FBLN7: variants seen among roughly 807,000 people sequenced by gnomAD.
FBLN7 encodes fibulin-7.
A neutral mutation model predicts 44.0 loss-of-function variants in FBLN7; 31 were observed. That is an observed-to-expected ratio of 0.70 (90% CI 0.53 to 0.95). The LOEUF (loss-of-function observed/expected upper bound fraction) is 0.95, where lower values mean the gene tolerates loss of function less well. Among genes scored for constraint, FBLN7 ranks in the 40% least tolerant of loss-of-function variants. FBLN7 has a pLI of 0.00. For synonymous variants in FBLN7, 262 were observed against 253.4 expected, an observed-to-expected ratio of 1.03 and a Z score of -0.32; for missense variants, 573 against 618.5, an observed-to-expected ratio of 0.93 and a Z score of 0.78.
rs1009555706 is a variant in FBLN7, at chr2:112,159,573, C to T, written c.76-103C>T. The stretch of plus-strand genomic sequence containing the variant: ...TACGTTGCGTTGAGTGAGCTTCAAA[C>T]GCGGTTTGGACCCCGTGGCTTCGGC... On this transcript the variant is annotated intron_variant, in intron 1 of 7. Coordinates refer to ENST00000331203, the MANE Select transcript of FBLN7 (RefSeq NM_153214.3). 13 of 1,346,438 alleles carry T rather than the reference C, an allele frequency of 9.7e-6. No individual in the cohort carries two copies. The African/African-American group carries it at 1.2e-4, about 13-fold the overall frequency. The allele number at this position is 1,346,438 out of a possible 1,614,324, so 83.4% of individuals were successfully genotyped here.
At chr2:112,230,837 G>T in the FBLN7 span, 1 of 1,066,990 alleles carries the variant, frequency 9.4e-7, no homozygotes, top group Non-Finnish European at 1.2e-6. Flanking sequence ...CCCTATTGAG[G>T]TTGCATGCCA....
intron 3 of FBLN7, among the ~76,000 whole-genome samples, chr2:112,175,102 C>A (rs879741407): frequency 1.3e-5 from 2 of 151,326 alleles, no homozygotes; most frequent in African/African-American, 4.9e-5. Flanking sequence ...GAGCAAGGAA[C>A]GTCTCCCTTT....
rs1015804868 is a variant in FBLN7, at chr2:112,182,957, AC to A, written c.808+32del. Reference sequence around the variant, plus strand: ...AGTGAGGCTACAGAGTGTCGTCTGCACCCAGCCACCTGCTGCTGTGCTGAAC... The same window carrying A: ...AGTGAGGCTACAGAGTGTCGTCTGCACCAGCCACCTGCTGCTGTGCTGAAC... On this transcript the variant is annotated intron_variant, in intron 6 of 7. Transcript: ENST00000331203. 10 of 1,607,190 alleles carry A rather than the reference AC, an allele frequency of 6.2e-6. No individual in the cohort carries two copies. The African/African-American group carries it at 1.3e-4, about 21-fold the overall frequency.
At chr2:112,244,238 ATAG>A in the FBLN7 span, among the ~76,000 whole-genome samples, 1 of 152,176 alleles carries the variant, frequency 6.6e-6, no homozygotes, top group East Asian at 1.9e-4. Flanking sequence ...GTAACACTGG[ATAG>A]TAGAAGACAA....
chr2:112,235,729 C>G, the FBLN7 span, among the ~76,000 whole-genome samples: 5 of 151,976 alleles, frequency 3.3e-5, no homozygotes, highest in African/African-American at 1.2e-4. Context: ...CTTCTAAAAA[C>G]CAAAATCAAA....
At chr2:112,236,914 G>C in the FBLN7 span, among the ~76,000 whole-genome samples, 12 of 152,068 alleles carry the variant, frequency 7.9e-5, no homozygotes, top group Admixed American at 2.0e-4. Flanking sequence ...AACATAGCTG[G>C]GTGTGGTGGT....
At chr2:112,139,014 T>A (rs866834212) in intron 1 of FBLN7, among the ~76,000 whole-genome samples, 1 of 21,372 alleles carries the variant, frequency 4.7e-5, no homozygotes, top group African/African-American at 2.0e-4. Flanking sequence ...TCTCTCCAGG[T>A]CAGCGTCCCT....
the FBLN7 span, among the ~76,000 whole-genome samples, chr2:112,232,269 T>C: frequency 6.7e-6 from 1 of 149,892 alleles, no homozygotes; most frequent in South Asian, 2.1e-4. Flanking sequence ...CGAACCAAGA[T>C]TGTCCACTGC....
the FBLN7 span, among the ~76,000 whole-genome samples, chr2:112,225,428 T>C: frequency 6.6e-6 from 1 of 152,134 alleles, no homozygotes; most frequent in Non-Finnish European, 1.5e-5. Flanking sequence ...AAGTGAGCTA[T>C]GATTGTGCTA....
chr2:112,161,323 G>A (rs989131005), intron 2 of FBLN7, among the ~76,000 whole-genome samples: 5 of 152,144 alleles, frequency 3.3e-5, no homozygotes, highest in African/African-American at 1.2e-4. Context: ...CTACCTTCTC[G>A]GAGATGATGG....
chr2:112,220,237 T>C, the FBLN7 span, among the ~76,000 whole-genome samples: 1 of 152,196 alleles, frequency 6.6e-6, no homozygotes, highest in Non-Finnish European at 1.5e-5. Context: ...GGCTGCATTA[T>C]AGTGTCACTG....
Position 112,159,736 on chromosome 2 carries a change from G to C in FBLN7, c.136G>C (p.Gly46Arg), listed in dbSNP as rs746844208. The C allele has an allele frequency of 2.1e-5, 34 of 1,601,374 alleles. No homozygotes were observed. The highest frequency in any genetic ancestry group is 2.9e-5 in the Non-Finnish European group (34 of 1,174,108). ...CCGCCAGCTGCAGCAGCTGCTGAAG[G>C]GCCAGGAGACACGCTTCGCCGAGGG... ...AIRQLQQLLK[G>R]QETRFAEGIR... Residue 46 changes from glycine (G) to arginine (R), a missense_variant, in exon 2 of 8, where the codon GGC (glycine) becomes CGC (arginine). Gly to Arg is a moderately radical substitution (Grantham distance 125). Coordinates refer to ENST00000331203, the MANE Select transcript of FBLN7 (RefSeq NM_153214.3).
At chr2:112,191,511 A>C (rs1162024944), downstream of FBLN7, among the ~76,000 whole-genome samples, 1 of 152,074 alleles carries the variant, frequency 6.6e-6, no homozygotes, top group Non-Finnish European at 1.5e-5. Flanking sequence ...TTGATCCTCT[A>C]TCTGCTCTCT....
At chr2:112,189,428 G>A (rs1174987358), downstream of FBLN7, 1 of 152,528 alleles carries the variant, frequency 6.6e-6, no homozygotes, top group African/African-American at 2.4e-5. Flanking sequence ...TGATGTGGAT[G>A]ATGGGTCTTT....
chr2:112,176,736 C>T (rs1354798855), intron 4 of FBLN7: 3 of 152,222 alleles, frequency 2.0e-5, no homozygotes, highest in Non-Finnish European at 4.4e-5. Context: ...CTCAGAGGCC[C>T]CTTACAGCTC....
At chr2:112,222,547 T>C in the FBLN7 span, among the ~76,000 whole-genome samples, 3 of 152,176 alleles carry the variant, frequency 2.0e-5, no homozygotes, top group African/African-American at 7.2e-5. Context: ...ACAAATACTA[T>C]ATGATTTCAC....
At chr2:112,201,218 C>G in the FBLN7 span, among the ~76,000 whole-genome samples, 1 of 152,212 alleles carries the variant, frequency 6.6e-6, no homozygotes, top group Non-Finnish European at 1.5e-5. Context: ...TCCTGAATCT[C>G]TTTACAAATC....
chr2:112,187,114 AT>A lies in FBLN7; in HGVS notation c.948-16del. 6.2e-7 allele frequency: 1 copy of A among 1,610,460 alleles called. No individual in the cohort carries two copies. The highest frequency in any genetic ancestry group is 8.5e-7 in the Non-Finnish European group (1 of 1,177,722). ...AGACTCCCCAAGGCTGACTGCCTCC[AT>A]TTTGCCTCTCCGCTCCAGCCAGTGT... On this transcript the variant is annotated intron_variant, in intron 7 of 7. Coordinates refer to ENST00000331203, the MANE Select transcript of FBLN7 (RefSeq NM_153214.3). This position sits in a 1 kb window ranked among gnomAD's most constrained non-coding sequence, Gnocchi z 5.1.
chr2:112,233,286 C>A, the FBLN7 span: 1 of 1,593,964 alleles, frequency 6.3e-7, no homozygotes. Flanking sequence ...GTTTTCACCT[C>A]TGGTACAATA....
Sources: gnomAD v4.1 joint callset for allele counts (sites outside exome capture counted in the v4.1 genomes callset) on GRCh38, gnomAD v4.1.1 for gene constraint, Gnocchi (gnomAD v3.1) non-coding constraint, MANE v1.5 for transcripts, NCBI Gene and HGNC (gene_info 2026-07-23, HGNC 2026-07-21) for gene names.